Variants in TRHDE observed in about 807,000 individuals in gnomAD.
The protein encoded by TRHDE is thyrotropin-releasing hormone-degrading ectoenzyme.
In TRHDE, 72 loss-of-function variants were observed where a neutral mutation model predicts 125.7. The observed-to-expected ratio is 0.57, with a 90% confidence interval of 0.47 to 0.70. TRHDE has a LOEUF of 0.70. Ranked by LOEUF, TRHDE falls within the 30% of genes least tolerant of loss-of-function variation. TRHDE has a pLI of 0.00. For synonymous variants in TRHDE, 509 were observed against 509.1 expected, an observed-to-expected ratio of 1.00 and a Z score of 0.00; for missense variants, 1,110 against 1,327.1, an observed-to-expected ratio of 0.84 and a Z score of 2.54.
At chr12:72,512,467 T>C (rs1189024841) in intron 6 of TRHDE, among the ~76,000 whole-genome samples, 2 of 140,270 alleles carry the variant, frequency 1.4e-5, no homozygotes, top group African/African-American at 5.2e-5. Context: ...TAATATATTA[T>C]ATAGTTATAA....
At chr12:72,402,534 C>T (rs896942443) in intron 3 of TRHDE, among the ~76,000 whole-genome samples, 9 of 152,158 alleles carry the variant, frequency 5.9e-5, no homozygotes, top group African/African-American at 2.2e-4. Context: ...CTGCCTGGGT[C>T]TGTCCCTTTG....
intron 12 of TRHDE, among the ~76,000 whole-genome samples, chr12:72,614,129 C>A (rs1210860214): frequency 6.6e-6 from 1 of 151,718 alleles, no homozygotes; most frequent in African/African-American, 2.4e-5. Context: ...GGGGGTTCTG[C>A]CCTCATGATC....
At chr12:72,568,395 A>G (rs1870551624) in intron 9 of TRHDE, among the ~76,000 whole-genome samples, 173 bp from the exon 10 acceptor site, 1 of 152,154 alleles carries the variant, frequency 6.6e-6, no homozygotes, top group South Asian at 2.1e-4. Context: ...AATGGCATTG[A>G]AAGAGTGAAT....
At chr12:72,169,360 C>T (rs1483403406) in intron 2 of TRHDE, among the ~76,000 whole-genome samples, 1 of 152,146 alleles carries the variant, frequency 6.6e-6, no homozygotes, top group East Asian at 1.9e-4. Flanking sequence ...TCTGCCTAGA[C>T]TGCCAAACAA....
At chr12:72,504,933 T>C (rs1366090175) in intron 6 of TRHDE, among the ~76,000 whole-genome samples, 16 of 152,218 alleles carry the variant, frequency 1.1e-4, no homozygotes, top group African/African-American at 3.9e-4. Context: ...TTATCATCTC[T>C]TGTAATTATT....
chr12:72,590,127 G>T (rs1490564067), intron 12 of TRHDE, among the ~76,000 whole-genome samples: 1 of 151,676 alleles, frequency 6.6e-6, no homozygotes, highest in Admixed American at 6.6e-5. Flanking sequence ...TTCTTCTTGA[G>T]AAAAATGATT....
intron 15 of TRHDE, among the ~76,000 whole-genome samples, chr12:72,632,177 A>G (rs539557099): frequency 1.3e-5 from 2 of 152,062 alleles, no homozygotes; most frequent in East Asian, 3.9e-4. Flanking sequence ...TATGGTAACT[A>G]ATGTTTCATT....
chr12:72,429,780 G>A (rs1448832981), intron 3 of TRHDE, among the ~76,000 whole-genome samples: 1 of 151,990 alleles, frequency 6.6e-6, no homozygotes, highest in Admixed American at 6.6e-5. Context: ...ATGATGTTGA[G>A]CATCTTTTCA....
At chr12:72,209,980 C>T (rs995426916) in intron 2 of TRHDE, among the ~76,000 whole-genome samples, 2 of 151,626 alleles carry the variant, frequency 1.3e-5, no homozygotes, top group Non-Finnish European at 2.9e-5. Flanking sequence ...ATTGTTGAGG[C>T]CTAAAAAAGA....
intron 2 of TRHDE, among the ~76,000 whole-genome samples, chr12:72,134,553 G>A (rs1299575331): frequency 1.3e-5 from 2 of 151,976 alleles, no homozygotes; most frequent in African/African-American, 4.8e-5. Context: ...ATATATTTTT[G>A]CAAAACTTTA....
chr12:72,185,053 C>T (rs888313272), intron 2 of TRHDE, among the ~76,000 whole-genome samples: 6 of 152,078 alleles, frequency 3.9e-5, no homozygotes, highest in African/African-American at 1.4e-4. Flanking sequence ...GAGGCTTGAG[C>T]GGGAACCGGG....
At chr12:72,659,982 C>A (rs919148163) in intron 18 of TRHDE, among the ~76,000 whole-genome samples, 2 of 151,900 alleles carry the variant, frequency 1.3e-5, no homozygotes, top group East Asian at 1.9e-4. Flanking sequence ...ATGAGGAGAC[C>A]GGTGGTGGCC....
At chr12:72,095,442 T>C (rs1874892251) in intron 1 of TRHDE, among the ~76,000 whole-genome samples, 1 of 152,170 alleles carries the variant, frequency 6.6e-6, no homozygotes. Flanking sequence ...AATTGAGTGT[T>C]TGAGTTAGAA....
intron 2 of TRHDE, among the ~76,000 whole-genome samples, chr12:72,143,435 A>G (rs979598588): frequency 2.0e-5 from 3 of 151,980 alleles, no homozygotes; most frequent in Non-Finnish European, 2.9e-5. Flanking sequence ...AGGGAAACAA[A>G]AGGGAGAGAG....
chr12:72,391,074 T>C (rs942516154), intron 3 of TRHDE, among the ~76,000 whole-genome samples: 9 of 152,144 alleles, frequency 5.9e-5, no homozygotes, highest in African/African-American at 2.2e-4. Flanking sequence ...ATTTTAATAA[T>C]AAATAATTTT....
intron 2 of TRHDE, among the ~76,000 whole-genome samples, chr12:72,204,235 A>G (rs1877619682): frequency 2.0e-5 from 3 of 151,902 alleles, no homozygotes. Flanking sequence ...GCATGTTTCT[A>G]TTTTCCTCCT....
chr12:72,172,827 G>A (rs542193442), intron 2 of TRHDE, among the ~76,000 whole-genome samples: 3 of 152,302 alleles, frequency 2.0e-5, no homozygotes, highest in South Asian at 2.1e-4. Flanking sequence ...AAGATGCATA[G>A]TATAAATTAG....
intron 3 of TRHDE, among the ~76,000 whole-genome samples, chr12:72,426,694 A>G (rs1874198626): frequency 6.6e-6 from 1 of 151,300 alleles, no homozygotes; most frequent in Non-Finnish European, 1.5e-5. Context: ...GGTGCTAGAG[A>G]TATGGCAACC....
intron 2 of TRHDE, among the ~76,000 whole-genome samples, chr12:72,155,104 T>G (rs1876472075): frequency 6.6e-6 from 1 of 151,382 alleles, no homozygotes; most frequent in Non-Finnish European, 1.5e-5. Context: ...TTTTTATTCT[T>G]TTTTCTCTAA....
Sources: allele counts gnomAD v4.1 joint callset (sites outside exome capture counted in the v4.1 genomes callset), GRCh38; gene constraint gnomAD v4.1.1; transcripts MANE v1.5; gene names NCBI Gene and HGNC (gene_info 2026-07-23, HGNC 2026-07-21).